The following RPA3 variants were observed in gnomAD, a reference collection of about 807,000 sequenced individuals.
RPA3 encodes replication protein A 14 kDa subunit.
RPA3 carries 24 observed loss-of-function variants against 13.7 expected under a neutral mutation model. The ratio of observed to expected loss-of-function variants is 1.75; its 90% CI spans 1.27 to 2.46. RPA3 has a LOEUF of 2.46. Ranked by LOEUF, RPA3 falls within the 30% of genes most tolerant of loss-of-function variation. The pLI, the probability that RPA3 is intolerant of heterozygous loss-of-function variation, is 0.00. For missense variants in RPA3, 183 were observed against 151.0 expected (o/e 1.21, Z -1.11); for synonymous variants, 59 against 51.2 (o/e 1.15, Z -0.65).
intron 2 of RPA3, among the ~76,000 whole-genome samples, chr7:7,694,610 G>T (rs1214343968): frequency 6.7e-6 from 1 of 148,446 alleles, no homozygotes; most frequent in Non-Finnish European, 1.5e-5. Context: ...TTAATTTTTA[G>T]TTCCCACAAA....
intron 4 of RPA3, among the ~76,000 whole-genome samples, chr7:7,671,925 A>G (rs537035552): frequency 1.3e-4 from 20 of 151,816 alleles, no homozygotes; most frequent in Non-Finnish European, 2.2e-4. Flanking sequence ...TTTCTTCTCC[A>G]TTTTGAATTC....
chr7:7,690,838 TG>T (rs1386797050), intron 2 of RPA3, among the ~76,000 whole-genome samples: 5 of 152,198 alleles, frequency 3.3e-5, no homozygotes, highest in African/African-American at 1.2e-4. Context: ...TTGCTAAAGT[TG>T]GGTTAAATTT....
chr7:7,714,908 G>C (rs1401861964), intron 2 of RPA3, among the ~76,000 whole-genome samples: 3 of 132,272 alleles, frequency 2.3e-5, no homozygotes, highest in African/African-American at 8.6e-5. Context: ...GTTGTACCAT[G>C]TGGTTGAACT....
intron 2 of RPA3, among the ~76,000 whole-genome samples, chr7:7,693,615 C>T (rs953717071): frequency 6.6e-6 from 1 of 152,054 alleles, no homozygotes; most frequent in African/African-American, 2.4e-5. Context: ...TGAAATTCTA[C>T]TATATTTTAA....
intron 4 of RPA3, among the ~76,000 whole-genome samples, chr7:7,643,057 G>C (rs1354800077): frequency 6.6e-6 from 1 of 152,028 alleles, no homozygotes; most frequent in Non-Finnish European, 1.5e-5. Flanking sequence ...ACAGTAGTGG[G>C]CTCTCCCCCA....
chr7:7,649,751 C>A (rs1268782145), intron 4 of RPA3, among the ~76,000 whole-genome samples: 6 of 152,258 alleles, frequency 3.9e-5, no homozygotes, highest in East Asian at 1.9e-4. Flanking sequence ...TCTCTCCCCC[C>A]ACCCAATTCA....
chr7:7,695,066 G>C (rs1045195512), intron 2 of RPA3, among the ~76,000 whole-genome samples: 1 of 151,952 alleles, frequency 6.6e-6, no homozygotes, highest in African/African-American at 2.4e-5. Context: ...CCTTTCTTTT[G>C]GATAAAAGCC....
At chr7:7,663,684 A>G (rs1248965775) in intron 4 of RPA3, among the ~76,000 whole-genome samples, 1 of 152,204 alleles carries the variant, frequency 6.6e-6, no homozygotes, top group Admixed American at 6.5e-5. Flanking sequence ...TCAAAAGAGA[A>G]CTCAAAGCCT....
At chr7:7,654,112 T>C (rs991643781) in intron 4 of RPA3, among the ~76,000 whole-genome samples, 1 of 152,234 alleles carries the variant, frequency 6.6e-6, no homozygotes, top group Non-Finnish European at 1.5e-5. Flanking sequence ...TTCTTGATTC[T>C]GAAAACCATA....
chr7:7,691,797 G>A (rs1780178327), intron 2 of RPA3, among the ~76,000 whole-genome samples: 2 of 152,140 alleles, frequency 1.3e-5, no homozygotes, highest in African/African-American at 4.8e-5. Context: ...TCTGATACAT[G>A]GAGTTCTTTC....
chr7:7,664,305 C>G (rs1009605866), intron 4 of RPA3, among the ~76,000 whole-genome samples: 9 of 152,160 alleles, frequency 5.9e-5, no homozygotes, highest in African/African-American at 2.2e-4. Context: ...AGTCCCGTTT[C>G]AGTACAACTG....
chr7:7,687,412 T>A (rs1451354655), intron 2 of RPA3, 84 bp from the exon 3 acceptor site: 1 of 152,282 alleles, frequency 6.6e-6, no homozygotes, highest in African/African-American at 2.4e-5. Context: ...GGAGAATGAT[T>A]CTGAGGTAGC....
rs1554308885 is a variant in RPA3 at position 7,649,175 on chromosome 7, A to AAAG, written c.-757-8001_-757-8000insCTT. 2.8e-3 allele frequency among the ~76,000 whole-genome samples: 291 copies of AAAG among 104,550 alleles called. 2 individuals are homozygous for AAAG. The highest frequency in any genetic ancestry group is 0.021 in the East Asian group (71 of 3,318). 68.6% of individuals were successfully genotyped at this position (104,550 alleles called of 152,430 possible). The stretch of plus-strand genomic sequence containing the variant: ...CTCCATCTCAAAAAAAAAAAAAAAA[A>AAAG]AAAAGAAAAGAAAAGAATAAAAAAG... On this transcript the variant is annotated intron_variant, in intron 4 of 7. Transcript: ENST00000223129.
chr7:7,686,262 A>G (rs1780039402), intron 3 of RPA3, among the ~76,000 whole-genome samples: 1 of 152,162 alleles, frequency 6.6e-6, no homozygotes, highest in East Asian at 1.9e-4. Context: ...TCTTGGCTGA[A>G]TAGAGAGGGT....
At chr7:7,712,521 A>G (rs1780791415) in intron 2 of RPA3, among the ~76,000 whole-genome samples, 1 of 152,180 alleles carries the variant, frequency 6.6e-6, no homozygotes, top group African/African-American at 2.4e-5. Flanking sequence ...GCATAGAAAC[A>G]TGTAGCTGAT....
At chr7:7,689,111 G>C (rs1301685980) in intron 2 of RPA3, among the ~76,000 whole-genome samples, 2 of 152,188 alleles carry the variant, frequency 1.3e-5, no homozygotes, top group East Asian at 3.9e-4. Flanking sequence ...CAGAAAGTCA[G>C]TGCTCATTTG....
chr7:7,650,576 A>T (rs4720748), intron 4 of RPA3, among the ~76,000 whole-genome samples: 1 of 152,100 alleles, frequency 6.6e-6, no homozygotes, highest in East Asian at 1.9e-4. Flanking sequence ...ACCTAATGCC[A>T]CTAAACCGTA....
intron 4 of RPA3, among the ~76,000 whole-genome samples, chr7:7,660,097 G>C (rs1353671100): frequency 6.6e-6 from 1 of 152,148 alleles, no homozygotes; most frequent in African/African-American, 2.4e-5. Context: ...TTTAAAGTCT[G>C]TTTTATCAGA....
intron 4 of RPA3, among the ~76,000 whole-genome samples, chr7:7,685,189 C>T (rs1780012872): frequency 4.6e-5 from 7 of 152,068 alleles, no homozygotes; most frequent in Admixed American, 4.6e-4. Flanking sequence ...TTCTGGTAAT[C>T]TTAGTACTAC....
Sources: gnomAD v4.1 joint callset for allele counts (sites outside exome capture counted in the v4.1 genomes callset) on GRCh38, gnomAD v4.1.1 for gene constraint, MANE v1.5 for transcripts, NCBI Gene and HGNC (gene_info 2026-07-23, HGNC 2026-07-21) for gene names.